The following FNTB variants were observed in gnomAD, a reference collection of about 807,000 sequenced individuals.
FNTB encodes farnesyltransferase, CAAX box, subunit beta, also known as protein farnesyltransferase subunit beta.
Under a neutral mutation model 59.4 loss-of-function variants are expected in FNTB, and 27 were observed. The observed-to-expected ratio is 0.45, with a 90% CI of 0.34 to 0.63. The LOEUF (loss-of-function observed/expected upper bound fraction) is 0.63, where lower values mean the gene tolerates loss of function less well. Ranked by LOEUF, FNTB falls within the 20% of genes least tolerant of loss-of-function variation. The probability of loss-of-function intolerance (pLI) is 0.02; values close to 1 mark genes in which losing one functional copy is unlikely to be tolerated. For synonymous variants in FNTB, 230 were observed against 220.7 expected, an observed-to-expected ratio of 1.04 and a Z score of -0.37; for missense variants, 449 against 559.6, an observed-to-expected ratio of 0.80 and a Z score of 1.99.
rs540639775 is a variant in FNTB, at chr14:65,037,698, T to C, written c.693-3092T>C. The stretch of plus-strand genomic sequence containing the variant: ...CTGCGGCTTCCCCAAGTGCTGGGAT[T>C]ACAGGTGTGAGCCACCATGCCCAGC... On this transcript the variant is annotated intron_variant, in intron 7 of 11. Coordinates refer to ENST00000246166, the MANE Select transcript of FNTB (RefSeq NM_002028.4). Among the ~76,000 whole-genome samples, 17 of 149,722 alleles carry C rather than the reference T, an allele frequency of 1.1e-4. No individual in the cohort carries two copies. In the South Asian group the frequency reaches 3.4e-3, roughly 30 times the overall value.
intron 2 of FNTB, among the ~76,000 whole-genome samples, chr14:65,004,914 C>T (rs2061558474): frequency 6.6e-6 from 1 of 152,230 alleles, no homozygotes. Context: ...CCACCCGCCT[C>T]AGCCTCCCAA....
In FNTB at chr14:65,027,414, C is replaced by T; in HGVS notation, c.375-39C>T. ...GGAATTTGGTGTTTTGACATGAATG[C>T]TCTCTGACTTTGTTTTTGCCCTTTG... On this transcript the variant is annotated intron_variant, in intron 4 of 11. Coordinates refer to ENST00000246166, the MANE Select transcript of FNTB (RefSeq NM_002028.4). The surrounding 1 kb of genome is among the most constrained non-coding windows in gnomAD (Gnocchi z 5.7). The T allele has an allele frequency of 1.2e-6, 2 of 1,610,198 alleles. No homozygotes were observed. Among genetic ancestry groups the T allele is most frequent in the Non-Finnish European group, 8.5e-7 (1 of 1,177,926 alleles).
intron 7 of FNTB, among the ~76,000 whole-genome samples, chr14:65,040,259 G>GTATATATATGTGTGTGTA (rs2062315522): frequency 2.8e-5 from 4 of 144,982 alleles, no homozygotes; most frequent in Non-Finnish European, 6.0e-5. Context: ...ATATATATAT[G>GTATATATATGTGTGTGTA]TATATATATG....
intron 8 of FNTB, among the ~76,000 whole-genome samples, chr14:65,043,302 T>C (rs1420925518): frequency 6.6e-6 from 1 of 152,208 alleles, no homozygotes; most frequent in East Asian, 1.9e-4. Context: ...AAGCAAGGAA[T>C]GGTGGTATCG....
chr14:65,048,606 A>C (rs906849227), intron 9 of FNTB, among the ~76,000 whole-genome samples: 2 of 152,222 alleles, frequency 1.3e-5, no homozygotes, highest in Non-Finnish European at 2.9e-5. Flanking sequence ...TAATCCCAGC[A>C]CTTTGGGAGG....
chr14:64,995,365 AGTT>A lies in FNTB; in HGVS notation c.144+8272_144+8274del, dbSNP rs1471723471. On this transcript the variant is annotated intron_variant, in intron 1 of 11. Coordinates refer to ENST00000246166, the MANE Select transcript of FNTB (RefSeq NM_002028.4). ...TAGTAAACATGTGAATTAGTAATGT[AGTT>A]GTTTATTATCATTATCAAGTGTTAT... Among the ~76,000 whole-genome samples, 17 of 152,312 alleles carry A rather than the reference AGTT, an allele frequency of 1.1e-4. No homozygotes were observed. In the East Asian group the frequency reaches 1.7e-3, roughly 16 times the overall value.
chr14:65,018,928 T>C (rs1228568542), intron 4 of FNTB, among the ~76,000 whole-genome samples: 2 of 151,782 alleles, frequency 1.3e-5, no homozygotes, highest in Non-Finnish European at 1.5e-5. Context: ...CTGGCCAACA[T>C]GGAGAAACCC....
Position 64,990,324 on chromosome 14 carries a change from C to T in FNTB, c.144+3227C>T, listed in dbSNP as rs1888145446. Among the ~76,000 whole-genome samples, 2 of 152,158 alleles carry T rather than the reference C, an allele frequency of 1.3e-5. No homozygotes were observed. The highest frequency in any genetic ancestry group is 1.3e-4 in the Admixed American group (2 of 15,284). ...GGCCCTGCACTGACAGGTTGCCTTG[C>T]TTTATGGCTGCGGGCCATGGGAAGT... On this transcript the variant is annotated intron_variant, in intron 1 of 11. Transcript: ENST00000246166. This position sits in a 1 kb window ranked among gnomAD's most constrained non-coding sequence, Gnocchi z 5.2.
rs2062864991 is a variant in FNTB at position 65,061,503 on chromosome 14, T to C, written c.*191T>C. 3 of 1,056,876 alleles carry C rather than the reference T, an allele frequency of 2.8e-6. No individual in the cohort carries two copies. The highest frequency in any genetic ancestry group is 2.6e-6 in the Non-Finnish European group (2 of 768,426). The allele number at this position is 1,056,876 out of a possible 1,614,324, so 65.5% of individuals were successfully genotyped here. A position where few individuals can be genotyped will look rare whatever the true frequency, so the allele number is the denominator to read the frequency against. On this transcript the variant is annotated 3_prime_UTR_variant, in exon 12 of 12. Coordinates refer to ENST00000246166, the MANE Select transcript of FNTB (RefSeq NM_002028.4). The stretch of plus-strand genomic sequence containing the variant: ...AGAACACAGTGGCTGGTTTTAAAAA[T>C]TCTTTCCACACCTGTCAAACCAAAA...
intron 2 of FNTB, chr14:65,006,372 T>C (rs1358969132): frequency 1.3e-6 from 2 of 1,546,644 alleles, no homozygotes; most frequent in Non-Finnish European, 1.8e-6. Flanking sequence ...AACCCAATGC[T>C]CTGACCTCAA....
At position 65,028,634 on chromosome 14, in the gene FNTB, C is replaced by T. The variant is rs1467713997; in HGVS notation, c.605+853C>T. On this transcript the variant is annotated intron_variant, in intron 6 of 11. Coordinates refer to ENST00000246166, the MANE Select transcript of FNTB (RefSeq NM_002028.4). The surrounding 1 kb of genome is among the most constrained non-coding windows in gnomAD (Gnocchi z 4.4). Reference sequence around the variant, plus strand: ...CACGAACATTGTGGAGCATAAAATACATTACAGATAATAGGTAATCAGGCT... The same window carrying T: ...CACGAACATTGTGGAGCATAAAATATATTACAGATAATAGGTAATCAGGCT... 6.6e-6 allele frequency among the ~76,000 whole-genome samples: 1 copy of T among 152,178 alleles called. No individual in the cohort carries two copies. The highest frequency in any genetic ancestry group is 1.9e-4 in the East Asian group (1 of 5,194).
At position 65,012,203 on chromosome 14, in the gene FNTB, G is replaced by A; in HGVS notation, c.210-114G>A. ...GTTGCTGGTTATCCAGTCAGTGATT[G>A]CAGGGGGACGTCCTGAAGCTGAGTG... On this transcript the variant is annotated intron_variant, in intron 2 of 11. Transcript: ENST00000246166. The surrounding 1 kb of genome is among the most constrained non-coding windows in gnomAD (Gnocchi z 5.0). 7.7e-7 allele frequency: 1 copy of A among 1,304,744 alleles called. No homozygotes were observed. The highest frequency in any genetic ancestry group is 1.9e-5 in the Admixed American group (1 of 52,352). The allele number at this position is 1,304,744 out of a possible 1,614,324, so 80.8% of individuals were successfully genotyped here. A position where few individuals can be genotyped will look rare whatever the true frequency, so the allele number is the denominator to read the frequency against.
At chr14:65,006,219 A>G in intron 2 of FNTB, 1 of 1,613,542 alleles carries the variant, frequency 6.2e-7, no homozygotes, top group South Asian at 1.1e-5. Context: ...CATGGCAGAA[A>G]ACAGTTGGAA....
rs1355696151 is a variant in FNTB at position 65,009,186 on chromosome 14, C to T, written c.210-3131C>T. Among the ~76,000 whole-genome samples, 1 of 152,104 alleles carries T rather than the reference C, an allele frequency of 6.6e-6. No homozygotes were observed. The highest frequency in any genetic ancestry group is 2.4e-5 in the African/African-American group (1 of 41,380). The stretch of plus-strand genomic sequence containing the variant: ...TGAGGGTATTAGTCAGCTTGGGCTG[C>T]CATAAGACGGTATCACAGATGGGGT... On this transcript the variant is annotated intron_variant, in intron 2 of 11. Transcript: ENST00000246166. This position sits in a 1 kb window ranked among gnomAD's most constrained non-coding sequence, Gnocchi z 4.2.
Position 65,062,635 on chromosome 14 carries a change from AAAG to A in FNTB, c.*1326_*1328del, listed in dbSNP as rs2062885979. The A allele has an allele frequency of 2.0e-5, 3 of 152,746 alleles. No individual in the cohort carries two copies. The highest frequency in any genetic ancestry group is 4.8e-5 in the African/African-American group (2 of 41,564). The allele number at this position is 152,746 out of a possible 1,614,324, so 9.5% of individuals were successfully genotyped here. A position where few individuals can be genotyped will look rare whatever the true frequency, so the allele number is the denominator to read the frequency against. On this transcript the variant is annotated 3_prime_UTR_variant, in exon 12 of 12. Transcript: ENST00000246166. The surrounding 1 kb of genome is among the most constrained non-coding windows in gnomAD (Gnocchi z 4.3). ...TATGTATTACCTCCTTGAAATAATAAAAGAATAACATTTTCTATGATGTCTCTT... is the reference window on the plus strand; with the variant it reads ...TATGTATTACCTCCTTGAAATAATAAAATAACATTTTCTATGATGTCTCTT...
intron 7 of FNTB, among the ~76,000 whole-genome samples, chr14:65,037,402 CCTTTT>C (rs398043788): frequency 0.065 from 936 of 14,478 alleles, 394 homozygotes; most frequent in Middle Eastern, 0.14. Context: ...CACGCCGGGC[CCTTTT>C]TTTTTTTTTT....
rs1316805795 is a variant in FNTB, at chr14:65,044,186, C to T, written c.823-125C>T. On this transcript the variant is annotated intron_variant, in intron 8 of 11. Coordinates refer to ENST00000246166, the MANE Select transcript of FNTB (RefSeq NM_002028.4). This position sits in a 1 kb window ranked among gnomAD's most constrained non-coding sequence, Gnocchi z 5.5. ...AGGAAAGAAAACCAGAGCACCAAAA[C>T]TAGAGTGCCAAGAAGCCACAAGATG... 1 of 1,531,356 alleles carries T rather than the reference C, an allele frequency of 6.5e-7. No individual in the cohort carries two copies. Among genetic ancestry groups the T allele is most frequent in the African/African-American group, 1.4e-5 (1 of 71,636 alleles). 94.9% of individuals were successfully genotyped at this position (1,531,356 alleles called of 1,614,324 possible). A position where few individuals can be genotyped will look rare whatever the true frequency, so the allele number is the denominator to read the frequency against.
At position 65,027,830 on chromosome 14, in the gene FNTB, A is replaced by T. The variant is rs1343968006; in HGVS notation, c.605+49A>T. ...GCCACATCAGTTGACTCTAGAGCTC[A>T]TCTGCCATTAGAGATGCCAAGCCTA... On this transcript the variant is annotated intron_variant, in intron 6 of 11. Coordinates refer to ENST00000246166, the MANE Select transcript of FNTB (RefSeq NM_002028.4). This position sits in a 1 kb window ranked among gnomAD's most constrained non-coding sequence, Gnocchi z 5.7. 3.1e-6 allele frequency: 5 copies of T among 1,601,714 alleles called. No individual in the cohort carries two copies.
intron 1 of FNTB, among the ~76,000 whole-genome samples, chr14:64,998,500 C>G (rs1250756438): frequency 1.3e-5 from 2 of 152,190 alleles, no homozygotes; most frequent in African/African-American, 4.8e-5. Flanking sequence ...GGACAGATGT[C>G]CTTGTGGAGA....
Sources: allele counts gnomAD v4.1 joint callset (sites outside exome capture counted in the v4.1 genomes callset), GRCh38; gene constraint gnomAD v4.1.1; non-coding constraint Gnocchi (gnomAD v3.1); transcripts MANE v1.5; gene names NCBI Gene and HGNC (gene_info 2026-07-23, HGNC 2026-07-21).